Variants in ERC1 observed in about 807,000 individuals in gnomAD.
ERC1 encodes RAB6 interacting protein 2.
Under a neutral mutation model 132.0 loss-of-function variants are expected in ERC1, and 56 were observed. The observed-to-expected ratio is 0.42, with a 90% confidence interval of 0.34 to 0.53. The LOEUF (loss-of-function observed/expected upper bound fraction) is 0.53. Among genes scored for constraint, ERC1 ranks in the 20% least tolerant of loss-of-function variants. ERC1 has a pLI of 0.03. For missense variants in ERC1, 1,202 were observed against 1,349.9 expected (o/e 0.89, Z 1.72); for synonymous variants, 478 against 476.1 (o/e 1.00, Z -0.05).
At position 1,148,751 on chromosome 12, in the gene ERC1, G is replaced by T. The variant is rs1048212442; in HGVS notation, c.1737+6964G>T. ...TGAGCAGCTGGGATTACAGGCACCT[G>T]CCACCTCGCCCAGCTAATTTTTGTA... is the stretch of plus-strand genomic sequence containing the variant. On this transcript the variant is annotated intron_variant, in intron 8 of 18. Coordinates refer to ENST00000360905, the MANE Select transcript of ERC1 (RefSeq NM_178040.4). 4.6e-5 allele frequency among the ~76,000 whole-genome samples: 7 copies of T among 152,194 alleles called. 1 individual carries two copies. The highest frequency in any genetic ancestry group is 2.0e-4 in the Admixed American group (3 of 15,282).
At chr12:997,480 G>A (rs1379893366) in intron 1 of ERC1, among the ~76,000 whole-genome samples, 1 of 152,194 alleles carries the variant, frequency 6.6e-6, no homozygotes, top group Non-Finnish European at 1.5e-5. Context: ...AGAGGTGCTT[G>A]TTGAGGATCT....
intron 17 of ERC1, among the ~76,000 whole-genome samples, chr12:1,424,334 A>G (rs1182533688): frequency 6.6e-6 from 1 of 152,226 alleles, no homozygotes; most frequent in African/African-American, 2.4e-5. Flanking sequence ...CAGGAAGGAC[A>G]GCTTCATAAA....
intron 18 of ERC1, among the ~76,000 whole-genome samples, chr12:1,468,978 A>G (rs2093803092): frequency 6.6e-6 from 1 of 152,198 alleles, no homozygotes; most frequent in Non-Finnish European, 1.5e-5. Context: ...CTCCTTCACG[A>G]ATGTTAACTC....
At position 1,398,824 on chromosome 12, in the gene ERC1, G is replaced by A. The variant is rs1344824555; in HGVS notation, c.2926-9325G>A. Among the ~76,000 whole-genome samples the A allele has an allele frequency of 2.0e-5, 3 of 151,928 alleles. No individual in the cohort carries two copies. In the East Asian group the frequency reaches 5.8e-4, roughly 29 times the overall value. ...TGTTGCTGTATCCTCCAGAGGGCAG[G>A]GACGCTTTGTCCTTGCACACATCTA... On this transcript the variant is annotated intron_variant, in intron 16 of 18. Coordinates refer to ENST00000360905, the MANE Select transcript of ERC1 (RefSeq NM_178040.4).
chr12:1,301,711 A>G (rs944791773), intron 15 of ERC1, among the ~76,000 whole-genome samples: 4 of 152,148 alleles, frequency 2.6e-5, no homozygotes, highest in Non-Finnish European at 4.4e-5. Flanking sequence ...AAAAATGACT[A>G]ATGAGTACTA....
At chr12:1,006,393 C>G (rs1963604491) in intron 1 of ERC1, among the ~76,000 whole-genome samples, 1 of 152,006 alleles carries the variant, frequency 6.6e-6, no homozygotes, top group Non-Finnish European at 1.5e-5. Flanking sequence ...GCCAGCATGC[C>G]TGGCAAATTT....
intron 14 of ERC1, among the ~76,000 whole-genome samples, chr12:1,277,538 A>G (rs954585968): frequency 1.3e-5 from 2 of 152,122 alleles, no homozygotes; most frequent in Non-Finnish European, 2.9e-5. Context: ...TCCTAAATTC[A>G]TTTTCTTTGC....
intron 13 of ERC1, among the ~76,000 whole-genome samples, chr12:1,243,423 T>C (rs2075961975): frequency 6.6e-6 from 1 of 151,514 alleles, no homozygotes; most frequent in South Asian, 2.1e-4. Context: ...AGGGATGTAA[T>C]GAAACGTGAG....
At chr12:1,034,013 G>C (rs1328498075) in intron 2 of ERC1, among the ~76,000 whole-genome samples, 1 of 152,158 alleles carries the variant, frequency 6.6e-6, no homozygotes, top group African/African-American at 2.4e-5. Context: ...TTGTGGTTAA[G>C]TATCAATATA....
At chr12:1,341,868 TGTTGACA>T (rs2154362634) in intron 15 of ERC1, among the ~76,000 whole-genome samples, 1 of 152,330 alleles carries the variant, frequency 6.6e-6, no homozygotes, top group South Asian at 2.1e-4. Flanking sequence ...TCATAAATTC[TGTTGACA>T]GTTTCTTGCT....
At chr12:1,459,285 A>T (rs1447259641) in intron 18 of ERC1, among the ~76,000 whole-genome samples, 3 of 152,302 alleles carry the variant, frequency 2.0e-5, no homozygotes, top group South Asian at 4.1e-4. Flanking sequence ...GATTTTTTTT[A>T]AAAAAGAAAT....
intron 17 of ERC1, chr12:1,444,043 C>T (rs976228315): frequency 2.0e-5 from 3 of 152,642 alleles, no homozygotes; most frequent in Non-Finnish European, 4.4e-5. Context: ...AATGAGTTCC[C>T]TCATCACATC....
At chr12:1,019,709 T>C (rs1966049332) in intron 1 of ERC1, among the ~76,000 whole-genome samples, 1 of 152,072 alleles carries the variant, frequency 6.6e-6, no homozygotes, top group Admixed American at 6.6e-5. Flanking sequence ...ATAAAAAGAA[T>C]CACATTTATT....
intron 8 of ERC1, among the ~76,000 whole-genome samples, chr12:1,147,969 T>C (rs1950527420): frequency 6.6e-6 from 1 of 152,250 alleles, no homozygotes; most frequent in Non-Finnish European, 1.5e-5. Flanking sequence ...GCTCTCATTC[T>C]ATAAGGATTA....
chr12:1,456,059 C>G (rs1423101525), intron 18 of ERC1, among the ~76,000 whole-genome samples: 1 of 152,154 alleles, frequency 6.6e-6, no homozygotes, highest in African/African-American at 2.4e-5. Flanking sequence ...TCCTATGGCT[C>G]TCTTATTCAT....
At chr12:1,341,372 T>C (rs993088397) in intron 15 of ERC1, among the ~76,000 whole-genome samples, 1 of 152,116 alleles carries the variant, frequency 6.6e-6, no homozygotes. Flanking sequence ...CATATGTTTA[T>C]TTCGGCACTA....
chr12:1,478,203 T>C (rs1370496028), intron 18 of ERC1, among the ~76,000 whole-genome samples: 5 of 152,230 alleles, frequency 3.3e-5, no homozygotes, highest in Non-Finnish European at 7.3e-5. Context: ...CACGTCCTTG[T>C]CAGCACTTGA....
chr12:1,188,569 G>A (rs1955373033), intron 11 of ERC1, among the ~76,000 whole-genome samples: 1 of 152,164 alleles, frequency 6.6e-6, no homozygotes, highest in African/African-American at 2.4e-5. Flanking sequence ...TACTTCATAT[G>A]TGTATCAAGG....
intron 15 of ERC1, among the ~76,000 whole-genome samples, chr12:1,324,246 G>T (rs1378617075): frequency 6.6e-6 from 1 of 152,176 alleles, no homozygotes; most frequent in African/African-American, 2.4e-5. Flanking sequence ...GAGTGACTTA[G>T]TCTTCTCTCG....
Sources: gnomAD v4.1 joint callset for allele counts (sites outside exome capture counted in the v4.1 genomes callset) on GRCh38, gnomAD v4.1.1 for gene constraint, MANE v1.5 for transcripts, NCBI Gene and HGNC (gene_info 2026-07-23, HGNC 2026-07-21) for gene names.